Variants in SGSH observed in about 807,000 individuals in gnomAD.
SGSH encodes the protein heparan sulfate sulfatase.
SGSH carries 48 observed loss-of-function variants against 51.0 expected under a neutral mutation model. That is an observed-to-expected ratio of 0.94 (90% CI 0.75 to 1.20). SGSH has a LOEUF of 1.20. SGSH is among the 50% of genes most tolerant of loss of function. The probability of loss-of-function intolerance (pLI) is 0.00; values close to 1 mark genes in which losing one functional copy is unlikely to be tolerated. For synonymous variants in SGSH, 321 were observed against 313.4 expected (o/e 1.02, Z -0.26); for missense variants, 662 against 717.8 (o/e 0.92, Z 0.89).
intron 1 of SGSH, 93 bp from the exon 2 acceptor site, chr17:80,217,285 G>A (rs2041930317): frequency 1.4e-6 from 2 of 1,442,096 alleles, no homozygotes; most frequent in Admixed American, 3.9e-5. Flanking sequence ...GATGCCAGAA[G>A]GCGAGACACC....
chr17:80,208,441 T>C, downstream of SGSH: 1 of 1,176,484 alleles, frequency 8.5e-7, no homozygotes, highest in Non-Finnish European at 1.2e-6. Flanking sequence ...AGCTGTGGGC[T>C]CCTTGGCACA....
At chr17:80,205,357 T>G (rs944493644), downstream of SGSH, 2 of 1,157,432 alleles carry the variant, frequency 1.7e-6, no homozygotes, top group African/African-American at 1.5e-5. Context: ...TAGTTCAGGA[T>G]GGAGGTGCAG....
chr17:80,204,125 A>G (rs536886503), downstream of SGSH: 31 of 1,161,832 alleles, frequency 2.7e-5, no homozygotes, highest in African/African-American at 4.5e-4. Flanking sequence ...GCGCCTCTGC[A>G]TCACTCCCAG....
In SGSH at chr17:80,210,634, G is replaced by A. The variant is rs765758095; in HGVS notation, c.1327C>T (p.Arg443Trp). 3.0e-5 allele frequency: 49 copies of A among 1,613,758 alleles called. No individual in the cohort carries two copies. Among genetic ancestry groups the A allele is most frequent in the Middle Eastern group, 1.6e-4 (1 of 6,084 alleles). Residue 443 changes from arginine to tryptophan, a missense_variant, in exon 8 of 8, where the codon CGG (arginine) becomes TGG (tryptophan). Transcript: ENST00000326317. ...AGGTTCTGGGTCTCGTGGGGGTCCCGGCTCCGGTCGTAGAGCTCCCAGCGC... is the reference window on the plus strand; with the variant it reads ...AGGTTCTGGGTCTCGTGGGGGTCCCAGCTCCGGTCGTAGAGCTCCCAGCGC... Reference protein sequence around the residue: ...RARWELYDRSRDPHETQNLAT... With the variant: ...RARWELYDRSWDPHETQNLAT...
At chr17:80,208,395 T>C, downstream of SGSH, 2 of 1,473,668 alleles carry the variant, frequency 1.4e-6, no homozygotes, top group Non-Finnish European at 1.8e-6. Context: ...TGCCTGTTAA[T>C]GCAGTCCTGT....
chr17:80,205,964 G>A (rs866258351), downstream of SGSH: 4 of 222,480 alleles, frequency 1.8e-5, no homozygotes, highest in Admixed American at 2.1e-4. Flanking sequence ...GCGCAAACGC[G>A]TGAAAAGCAG....
the SGSH span, chr17:80,201,677 C>A: frequency 2.5e-6 from 4 of 1,585,628 alleles, no homozygotes; most frequent in East Asian, 6.7e-5. The surrounding 1 kb of genome is among the most constrained non-coding windows in gnomAD (Gnocchi z 5.0). Flanking sequence ...GCCCTCAGCG[C>A]CTTCTGTCTT....
chr17:80,216,728 G>A (rs984398803), intron 2 of SGSH: 14 of 453,000 alleles, frequency 3.1e-5, no homozygotes, highest in African/African-American at 9.8e-5. Context: ...CATTAGCCCC[G>A]CCAATCTCCA....
In SGSH at chr17:80,212,315, C is replaced by T. The variant is rs375406117; in HGVS notation, c.746-41G>A. On this transcript the variant is annotated intron_variant, in intron 6 of 7. Transcript: ENST00000326317. This position sits in a 1 kb window ranked among gnomAD's most constrained non-coding sequence, Gnocchi z 5.9. Reference sequence around the variant, plus strand: ...GAGAAGCAGAGCTCAGCCGCAGACACGGAGGGAGGCAGCGGGTGGTGTGTG... The same window carrying T: ...GAGAAGCAGAGCTCAGCCGCAGACATGGAGGGAGGCAGCGGGTGGTGTGTG... The T allele has an allele frequency of 1.6e-5, 24 of 1,540,226 alleles. No homozygotes were observed. Among genetic ancestry groups the T allele is most frequent in the African/African-American group, 6.8e-5 (5 of 73,010 alleles).
downstream of SGSH, chr17:80,208,435 G>A: frequency 1.6e-6 from 2 of 1,250,604 alleles, no homozygotes; most frequent in South Asian, 1.6e-5. Context: ...TGGCACAGCT[G>A]TGGGCTCCTT....
chr17:80,212,011 C>A lies in SGSH; in HGVS notation c.949+60G>T. 1 of 1,423,722 alleles carries A rather than the reference C, an allele frequency of 7.0e-7. No individual in the cohort carries two copies. Among genetic ancestry groups the A allele is most frequent in the Non-Finnish European group, 9.9e-7 (1 of 1,010,740 alleles). 88.2% of individuals were successfully genotyped at this position (1,423,722 alleles called of 1,614,324 possible). Reference sequence around the variant, plus strand: ...GGGTGTGGAGCAGCATCTGACAGGTCATGGCCCCGTCCCAGATCCACTCCC... The same window carrying A: ...GGGTGTGGAGCAGCATCTGACAGGTAATGGCCCCGTCCCAGATCCACTCCC... On this transcript the variant is annotated intron_variant, in intron 7 of 7. Coordinates refer to ENST00000326317, the MANE Select transcript of SGSH (RefSeq NM_000199.5). The surrounding 1 kb of genome is among the most constrained non-coding windows in gnomAD (Gnocchi z 5.9).
downstream of SGSH, chr17:80,208,112 G>GC (rs750926227): frequency 2.9e-4 from 349 of 1,216,830 alleles, 1 homozygote; most frequent in African/African-American, 1.1e-3. Flanking sequence ...CCCTGAGCCC[G>GC]CCCCCCCCAA....
At chr17:80,205,192 G>C, downstream of SGSH, 2 of 1,612,904 alleles carry the variant, frequency 1.2e-6, no homozygotes, top group Non-Finnish European at 1.7e-6. Flanking sequence ...AAGGGTTTAA[G>C]AAGTGCCTGG....
chr17:80,206,967 A>G, downstream of SGSH: 2 of 1,606,336 alleles, frequency 1.2e-6, no homozygotes, highest in South Asian at 2.2e-5. Context: ...CCCTCCCACA[A>G]AGAACACCCA....
Position 80,217,099 on chromosome 17 carries a change from C to A in SGSH, c.182G>T (p.Arg61Leu), listed in dbSNP as rs573342437. ...GCTGCTGACCGAGGTGAAGGCATTG[C>A]GAAAGAGGAGGCTGCGGCGGGCCAA... Reference protein sequence around the residue: ...DALARRSLLFRNAFTSVSSCS... With the variant: ...DALARRSLLFLNAFTSVSSCS... Residue 61 changes from arginine (R) to leucine (L), a missense_variant, in exon 2 of 8, where the codon CGC becomes CTC. Physicochemically the swap from Arg to Leu is moderately radical, Grantham distance 102. Coordinates refer to ENST00000326317, the MANE Select transcript of SGSH (RefSeq NM_000199.5). 1.9e-6 allele frequency: 3 copies of A among 1,604,604 alleles called. No homozygotes were observed. Among genetic ancestry groups the A allele is most frequent in the Non-Finnish European group, 2.5e-6 (3 of 1,176,990 alleles).
chr17:80,216,924 G>A, intron 2 of SGSH, 108 bp downstream of exon 2: 2 of 1,134,690 alleles, frequency 1.8e-6, no homozygotes, highest in South Asian at 1.5e-5. Context: ...GGGAAAGTGG[G>A]CAACACCCCC....
At chr17:80,201,938 G>A, downstream of SGSH, 1 of 1,524,164 alleles carries the variant, frequency 6.6e-7, no homozygotes, top group Non-Finnish European at 8.8e-7. The surrounding 1 kb of genome is among the most constrained non-coding windows in gnomAD (Gnocchi z 5.0). Flanking sequence ...AGTCCCTGGT[G>A]GTTCTTCTGC....
downstream of SGSH, chr17:80,208,412 GC>G (rs1425561140): frequency 3.1e-5 from 43 of 1,393,646 alleles, no homozygotes; most frequent in Non-Finnish European, 4.0e-5. Flanking sequence ...CTGTTCCTCA[GC>G]CCAGGCCCTC....
downstream of SGSH, chr17:80,205,315 G>A (rs1223905851): frequency 9.2e-6 from 9 of 978,656 alleles, no homozygotes; most frequent in Admixed American, 6.0e-5. Context: ...CCCCCACCAC[G>A]CACATTCCCA....
Sources: allele counts gnomAD v4.1 joint callset, GRCh38; gene constraint gnomAD v4.1.1; non-coding constraint Gnocchi (gnomAD v3.1); transcripts MANE v1.5; gene names NCBI Gene and HGNC (gene_info 2026-07-23, HGNC 2026-07-21).